Variants in VPS13A observed in about 807,000 individuals in gnomAD.
The protein encoded by VPS13A is vacuolar protein sorting 13 homolog A, also known as intermembrane lipid transfer protein VPS13A.
Under a neutral mutation model 390.9 loss-of-function variants are expected in VPS13A, and 264 were observed. That is an observed-to-expected ratio of 0.68 (90% CI 0.61 to 0.75). The LOEUF is 0.75. VPS13A is among the 30% of genes least tolerant of loss of function. The pLI is 0.00. For synonymous variants in VPS13A, 1,231 were observed against 1,227.1 expected, an observed-to-expected ratio of 1.00 and a Z score of -0.07; for missense variants, 3,409 against 3,733.9, an observed-to-expected ratio of 0.91 and a Z score of 2.27.
At chr9:77,410,112 C>T (rs1388550382) in intron 71 of VPS13A, among the ~76,000 whole-genome samples, 4 of 152,322 alleles carry the variant, frequency 2.6e-5, no homozygotes, top group African/African-American at 9.6e-5. Context: ...AGAAACTCTA[C>T]AAGCCAGAAG....
intron 67 of VPS13A, among the ~76,000 whole-genome samples, chr9:77,374,435 G>C (rs1008644930): frequency 6.6e-6 from 1 of 152,144 alleles, no homozygotes; most frequent in African/African-American, 2.4e-5. Context: ...TGTCACTAAT[G>C]GACTGGTGAT....
At chr9:77,268,832 C>T (rs1826184940) in intron 23 of VPS13A, among the ~76,000 whole-genome samples, 1 of 151,456 alleles carries the variant, frequency 6.6e-6, no homozygotes, top group Non-Finnish European at 1.5e-5. Context: ...CCCAACTGCT[C>T]AGGAGGCTGA....
chr9:77,278,315 C>T (rs762435245), intron 26 of VPS13A, among the ~76,000 whole-genome samples: 6 of 150,400 alleles, frequency 4.0e-5, no homozygotes, highest in Non-Finnish European at 7.4e-5. Context: ...CCTCGTGATC[C>T]GCCCGCCTTG....
chr9:77,205,743 C>T (rs111794786), intron 4 of VPS13A, among the ~76,000 whole-genome samples: 20 of 152,166 alleles, frequency 1.3e-4, no homozygotes, highest in Admixed American at 1.1e-3. Flanking sequence ...AGGCGCCTGC[C>T]ACCACGCCCA....
intron 39 of VPS13A, 87 bp downstream of exon 39, chr9:77,316,493 C>A: frequency 9.5e-7 from 1 of 1,057,240 alleles, no homozygotes; most frequent in Non-Finnish European, 1.4e-6. Flanking sequence ...TACCTACATG[C>A]TTTCCAACCT....
intron 19 of VPS13A, among the ~76,000 whole-genome samples, chr9:77,245,893 G>A (rs1467710562): frequency 6.6e-6 from 1 of 152,198 alleles, no homozygotes; most frequent in Non-Finnish European, 1.5e-5. Context: ...TTTGGTGAGG[G>A]TTTCAGAATG....
At chr9:77,310,874 A>G (rs1046099500) in intron 35 of VPS13A, among the ~76,000 whole-genome samples, 5 of 152,228 alleles carry the variant, frequency 3.3e-5, no homozygotes, top group African/African-American at 1.2e-4. Context: ...CACATATACC[A>G]AAGTAGAAGG....
chr9:77,295,424 C>T, intron 32 of VPS13A, 118 bp from the exon 33 acceptor site: 1 of 827,990 alleles, frequency 1.2e-6, no homozygotes, highest in Non-Finnish European at 1.7e-6. Flanking sequence ...ATAAATAATG[C>T]TTGGTTGTAT....
At chr9:77,255,902 C>G (rs890168744) in intron 22 of VPS13A, among the ~76,000 whole-genome samples, 1 of 151,894 alleles carries the variant, frequency 6.6e-6, no homozygotes, top group Non-Finnish European at 1.5e-5. Flanking sequence ...TTTTCTCAGT[C>G]TAACTAAAGG....
intron 67 of VPS13A, among the ~76,000 whole-genome samples, chr9:77,379,460 G>C (rs561363543): frequency 1.3e-5 from 2 of 151,924 alleles, no homozygotes; most frequent in African/African-American, 4.8e-5. Flanking sequence ...GGCTGATCTC[G>C]AACTTCCGAC....
Position 77,344,145 on chromosome 9 carries a change from T to C in VPS13A, c.7027-8T>C, listed in dbSNP as rs775945395. On this transcript the variant is annotated splice_region_variant and splice_polypyrimidine_tract_variant and intron_variant, in intron 50 of 71. Transcript: ENST00000360280. ...TATTTTTATAAACATATATAATGTA[T>C]ATTTTAGTGTATCCCCTTTTGGCCT... The C allele has an allele frequency of 1.1e-5, 18 of 1,576,274 alleles. No individual in the cohort carries two copies. In the East Asian group the frequency reaches 4.0e-4, roughly 35 times the overall value.
chr9:77,397,098 C>T (rs191887822), intron 68 of VPS13A, among the ~76,000 whole-genome samples: 3 of 152,238 alleles, frequency 2.0e-5, no homozygotes, highest in Non-Finnish European at 2.9e-5. Flanking sequence ...AAGTGATTCT[C>T]CTTGCCTCAG....
chr9:77,415,900 T>G, intron 71 of VPS13A, 56 bp from the exon 72 acceptor site: 3 of 1,594,986 alleles, frequency 1.9e-6, no homozygotes, highest in Non-Finnish European at 2.6e-6. Context: ...CATTACATTT[T>G]GTTTCATTAC....
At chr9:77,410,834 C>T (rs1834884471) in intron 71 of VPS13A, among the ~76,000 whole-genome samples, 1 of 152,164 alleles carries the variant, frequency 6.6e-6, no homozygotes, top group African/African-American at 2.4e-5. Context: ...GACTCCCACA[C>T]AATAATAATG....
chr9:77,257,086 A>G (rs1284786982), intron 22 of VPS13A, among the ~76,000 whole-genome samples: 1 of 151,584 alleles, frequency 6.6e-6, no homozygotes, highest in African/African-American at 2.4e-5. Flanking sequence ...TCCTCCTTTA[A>G]TGGTGCCCTT....
intron 62 of VPS13A, 31 bp from the exon 63 acceptor site, chr9:77,369,268 G>C: frequency 6.7e-7 from 1 of 1,490,606 alleles, no homozygotes; most frequent in Middle Eastern, 1.7e-4. Context: ...CTAATTATCT[G>C]AATTGATTAA....
At chr9:77,385,940 T>C (rs997495828) in intron 68 of VPS13A, among the ~76,000 whole-genome samples, 9 of 152,164 alleles carry the variant, frequency 5.9e-5, no homozygotes, top group Non-Finnish European at 1.0e-4. Context: ...ATCAGCTTTT[T>C]TGAAATTTCT....
chr9:77,249,009 GGT>G (rs1824996995), intron 20 of VPS13A, among the ~76,000 whole-genome samples: 1 of 152,220 alleles, frequency 6.6e-6, no homozygotes, highest in Non-Finnish European at 1.5e-5. Context: ...TGGGATTACA[GGT>G]GTGAGCCACC....
At chr9:77,381,234 C>T (rs1188633371) in intron 67 of VPS13A, among the ~76,000 whole-genome samples, 1 of 152,134 alleles carries the variant, frequency 6.6e-6, no homozygotes, top group African/African-American at 2.4e-5. Context: ...CCCACCTCAG[C>T]CTTCTGAGTG....
Sources: gnomAD v4.1 joint callset for allele counts (sites outside exome capture counted in the v4.1 genomes callset) on GRCh38, gnomAD v4.1.1 for gene constraint, MANE v1.5 for transcripts, NCBI Gene and HGNC (gene_info 2026-07-23, HGNC 2026-07-21) for gene names.